CNBD1: variants seen among roughly 807,000 people sequenced by gnomAD.
The protein encoded by CNBD1 is cyclic nucleotide-binding domain-containing protein 1.
In CNBD1, 71 loss-of-function variants were observed where a neutral mutation model predicts 54.4. The observed-to-expected ratio is 1.30, with a 90% confidence interval of 1.08 to 1.59. The LOEUF is 1.59. Ranked by LOEUF, CNBD1 falls within the 40% of genes most tolerant of loss-of-function variation. The pLI, the probability that CNBD1 is intolerant of heterozygous loss-of-function variation, is 0.00. For synonymous variants in CNBD1, 182 were observed against 170.7 expected, an observed-to-expected ratio of 1.07 and a Z score of -0.51; for missense variants, 659 against 518.0, an observed-to-expected ratio of 1.27 and a Z score of -2.64.
At chr8:86,878,737 C>A (rs1369602069) in intron 1 of CNBD1, among the ~76,000 whole-genome samples, 1 of 152,166 alleles carries the variant, frequency 6.6e-6, no homozygotes, top group Non-Finnish European at 1.5e-5. Flanking sequence ...GTATCAGCTT[C>A]CCCTGGAGAA....
At chr8:87,158,750 A>G (rs575854306) in intron 4 of CNBD1, among the ~76,000 whole-genome samples, 17 of 152,284 alleles carry the variant, frequency 1.1e-4, no homozygotes, top group Middle Eastern at 6.8e-3. Context: ...TCCACTGCTT[A>G]GTCTGATTAG....
chr8:87,318,773 A>G (rs1051670457), intron 8 of CNBD1, among the ~76,000 whole-genome samples: 1 of 152,134 alleles, frequency 6.6e-6, no homozygotes, highest in Admixed American at 6.6e-5. Flanking sequence ...TATATATTGT[A>G]TCAGGCTGAC....
chr8:87,281,485 G>A (rs867196183), intron 6 of CNBD1, among the ~76,000 whole-genome samples: 8 of 136,898 alleles, frequency 5.8e-5, no homozygotes, highest in South Asian at 4.8e-4. Context: ...TTTAAAAAAC[G>A]ATTTTTAATA....
At chr8:87,365,393 A>G (rs763926068) in intron 10 of CNBD1, among the ~76,000 whole-genome samples, 1 of 151,966 alleles carries the variant, frequency 6.6e-6, no homozygotes, top group African/African-American at 2.4e-5. Context: ...GATTCTGGAT[A>G]TTAGACCTTT....
chr8:87,304,650 T>C (rs1809103280), intron 8 of CNBD1, among the ~76,000 whole-genome samples: 1 of 151,536 alleles, frequency 6.6e-6, no homozygotes, highest in Non-Finnish European at 1.5e-5. Flanking sequence ...AATAAATAAA[T>C]AAATAAAAAT....
chr8:87,085,582 C>T (rs952928531), intron 4 of CNBD1, among the ~76,000 whole-genome samples: 1 of 152,064 alleles, frequency 6.6e-6, no homozygotes, highest in East Asian at 1.9e-4. Context: ...ATTTCAAATT[C>T]CTCTAGTGTT....
intron 8 of CNBD1, among the ~76,000 whole-genome samples, chr8:87,351,083 G>T (rs1810280967): frequency 6.6e-6 from 1 of 152,096 alleles, no homozygotes; most frequent in Admixed American, 6.6e-5. Flanking sequence ...CTTAAAGTAA[G>T]GACTCCTAAT....
chr8:87,082,867 A>G (rs1486223631), intron 4 of CNBD1, among the ~76,000 whole-genome samples: 1 of 152,176 alleles, frequency 6.6e-6, no homozygotes, highest in Admixed American at 6.5e-5. Context: ...ATTCCATTTT[A>G]AATGATTCTA....
chr8:87,383,525 C>A (rs1811130047), downstream of CNBD1, among the ~76,000 whole-genome samples: 1 of 152,138 alleles, frequency 6.6e-6, no homozygotes, highest in Non-Finnish European at 1.5e-5. Flanking sequence ...AAACTGAAGT[C>A]TGTCTGCCTT....
chr8:87,152,250 G>A (rs1466576247), intron 4 of CNBD1, among the ~76,000 whole-genome samples: 1 of 151,988 alleles, frequency 6.6e-6, no homozygotes, highest in Non-Finnish European at 1.5e-5. Context: ...CAGAGGGAAG[G>A]AAATAGTAGG....
At chr8:86,957,146 G>A (rs1807797378) in intron 4 of CNBD1, among the ~76,000 whole-genome samples, 3 of 152,212 alleles carry the variant, frequency 2.0e-5, no homozygotes, top group Admixed American at 1.3e-4. Context: ...ATTGCTGTAT[G>A]TTGAACTAGC....
chr8:87,213,300 A>C (rs892216696), intron 5 of CNBD1, among the ~76,000 whole-genome samples: 8 of 152,140 alleles, frequency 5.3e-5, no homozygotes, highest in African/African-American at 1.7e-4. Context: ...TCAAATATTA[A>C]CCATAATGTT....
chr8:87,296,381 AG>A (rs1395917784), intron 8 of CNBD1, among the ~76,000 whole-genome samples: 2 of 152,162 alleles, frequency 1.3e-5, no homozygotes, highest in Non-Finnish European at 2.9e-5. Context: ...GTAGTCAGTT[AG>A]GTATGTAGGG....
intron 2 of CNBD1, among the ~76,000 whole-genome samples, chr8:87,400,668 A>G (rs1380716645): frequency 6.6e-6 from 1 of 151,934 alleles, no homozygotes; most frequent in Admixed American, 6.6e-5. Context: ...GACTTTTTGC[A>G]TTGTGGAAAA....
At chr8:87,381,497 C>T (rs1396156989) in intron 10 of CNBD1, among the ~76,000 whole-genome samples, 2 of 151,810 alleles carry the variant, frequency 1.3e-5, no homozygotes, top group Non-Finnish European at 2.9e-5. Context: ...AACAGTAGAC[C>T]ATATGATCTA....
At chr8:87,290,362 C>G (rs1029067750) in intron 8 of CNBD1, among the ~76,000 whole-genome samples, 1 of 151,852 alleles carries the variant, frequency 6.6e-6, no homozygotes, top group East Asian at 1.9e-4. Flanking sequence ...ATATGCTTTC[C>G]TTAGTTCAAT....
chr8:87,322,973 A>C (rs1271901617), intron 8 of CNBD1, among the ~76,000 whole-genome samples: 1 of 70,890 alleles, frequency 1.4e-5, no homozygotes, highest in African/African-American at 5.9e-5. Context: ...TCTTGAATTG[A>C]TTTTTGTATA....
chr8:87,328,759 TTATG>T, intron 8 of CNBD1, among the ~76,000 whole-genome samples: 1 of 152,270 alleles, frequency 6.6e-6, no homozygotes, highest in Non-Finnish European at 1.5e-5. Context: ...TTTTATTTAT[TTATG>T]CCCTCTTTAA....
At chr8:87,300,631 A>G (rs967979491) in intron 8 of CNBD1, among the ~76,000 whole-genome samples, 2 of 152,036 alleles carry the variant, frequency 1.3e-5, no homozygotes, top group Non-Finnish European at 2.9e-5. Context: ...GTCAGACACA[A>G]TGGATAGTGC....
Sources: allele counts gnomAD v4.1 joint callset (sites outside exome capture counted in the v4.1 genomes callset), GRCh38; gene constraint gnomAD v4.1.1; transcripts MANE v1.5; gene names NCBI Gene and HGNC (gene_info 2026-07-23, HGNC 2026-07-21).